Variants in NBEA observed in about 807,000 individuals in gnomAD.
NBEA encodes the protein lysosomal-trafficking regulator 2.
NBEA carries 44 observed loss-of-function variants against 343.4 expected under a neutral mutation model. That is an observed-to-expected ratio of 0.13 (90% CI 0.10 to 0.16). The LOEUF is 0.16. Ranked by LOEUF, NBEA falls within the 10% of genes least tolerant of loss-of-function variation. NBEA has a pLI of 1.00. For synonymous variants in NBEA, 1,175 were observed against 1,238.7 expected, an observed-to-expected ratio of 0.95 and a Z score of 1.08; for missense variants, 2,555 against 3,631.3, an observed-to-expected ratio of 0.70 and a Z score of 7.62.
At chr13:35,433,070 A>G (rs919359179) in intron 39 of NBEA, among the ~76,000 whole-genome samples, 5 of 152,084 alleles carry the variant, frequency 3.3e-5, no homozygotes, top group Non-Finnish European at 7.4e-5. Flanking sequence ...TACTTACAGT[A>G]TCATTAATTA....
intron 38 of NBEA, among the ~76,000 whole-genome samples, chr13:35,386,770 T>A (rs1275290878): frequency 2.6e-5 from 4 of 152,174 alleles, no homozygotes; most frequent in African/African-American, 9.6e-5. Flanking sequence ...TTTAAAAATA[T>A]ATTGAGTTTT....
chr13:35,324,673 A>G (rs1042018980), intron 36 of NBEA, among the ~76,000 whole-genome samples: 7 of 152,210 alleles, frequency 4.6e-5, no homozygotes, highest in African/African-American at 7.2e-5. Flanking sequence ...GTAACTCATA[A>G]TTGAGAGGTT....
At chr13:35,201,974 GA>G (rs36025218) in intron 31 of NBEA, among the ~76,000 whole-genome samples, 5 of 152,016 alleles carry the variant, frequency 3.3e-5, no homozygotes, top group Non-Finnish European at 7.4e-5. Context: ...TGAAGCTGAT[GA>G]AAATTCTGAA....
chr13:35,155,998 G>A (rs2069145746), intron 19 of NBEA, 85 bp from the exon 20 acceptor site: 16 of 1,468,442 alleles, frequency 1.1e-5, no homozygotes, highest in Non-Finnish European at 1.4e-5. Context: ...ATAGTGTTAA[G>A]TATTTATTTG....
intron 41 of NBEA, among the ~76,000 whole-genome samples, chr13:35,538,571 A>C (rs1263178008): frequency 6.6e-6 from 1 of 152,246 alleles, no homozygotes; most frequent in Non-Finnish European, 1.5e-5. Flanking sequence ...TACCTGGATC[A>C]GCTGTTAAAC....
At chr13:35,609,854 A>G (rs1414579106) in intron 48 of NBEA, among the ~76,000 whole-genome samples, 3 of 152,218 alleles carry the variant, frequency 2.0e-5, no homozygotes, top group Non-Finnish European at 4.4e-5. Context: ...GTTTGGAAAT[A>G]GGAACACAGC....
intron 56 of NBEA, 68 bp from the exon 57 acceptor site, chr13:35,667,306 G>A: frequency 1.5e-6 from 2 of 1,341,888 alleles, no homozygotes; most frequent in African/African-American, 1.4e-5. Context: ...AGGTTTTCAG[G>A]TTGGTGGGAG....
intron 38 of NBEA, among the ~76,000 whole-genome samples, chr13:35,376,600 C>G (rs1042000497): frequency 2.6e-5 from 4 of 151,824 alleles, no homozygotes; most frequent in African/African-American, 7.3e-5. Flanking sequence ...TAAATTATTC[C>G]AGTTGTCTAC....
intron 34 of NBEA, among the ~76,000 whole-genome samples, chr13:35,233,965 C>T (rs1274540900): frequency 2.0e-5 from 3 of 152,014 alleles, no homozygotes; most frequent in Admixed American, 6.6e-5. Flanking sequence ...AGTAATAAAA[C>T]TTACTTAATA....
At chr13:35,605,379 T>C (rs2082243249) in intron 47 of NBEA, among the ~76,000 whole-genome samples, 1 of 152,170 alleles carries the variant, frequency 6.6e-6, no homozygotes, top group African/African-American at 2.4e-5. Flanking sequence ...ATATATGCTT[T>C]TTCTAGAAAG....
intron 36 of NBEA, among the ~76,000 whole-genome samples, chr13:35,310,775 C>A (rs547796247): frequency 7.2e-5 from 11 of 151,990 alleles, no homozygotes; most frequent in Non-Finnish European, 1.5e-4. Context: ...TATTTGAAAC[C>A]AGCTTTCATT....
chr13:35,539,458 G>A (rs1354102338), intron 41 of NBEA, among the ~76,000 whole-genome samples: 1 of 151,904 alleles, frequency 6.6e-6, no homozygotes, highest in African/African-American at 2.4e-5. Flanking sequence ...CTAAATAGGG[G>A]ATTTTATACT....
chr13:35,627,236 A>G (rs1173867165), intron 48 of NBEA, among the ~76,000 whole-genome samples: 5 of 152,314 alleles, frequency 3.3e-5, no homozygotes, highest in African/African-American at 9.6e-5. Context: ...TTACAAAGCT[A>G]GATGTACAGC....
chr13:35,632,163 G>A (rs1266374706), intron 49 of NBEA, among the ~76,000 whole-genome samples: 3 of 151,760 alleles, frequency 2.0e-5, no homozygotes, highest in Non-Finnish European at 4.4e-5. Context: ...TTTTCTTATC[G>A]GTTTTTATAT....
Position 35,593,394 on chromosome 13 carries a change from T to A in NBEA, c.7243T>A (p.Ser2415Thr), listed in dbSNP as rs375988922. 1 of 1,612,304 alleles carries A rather than the reference T, an allele frequency of 6.2e-7. No individual in the cohort carries two copies. The highest frequency in any genetic ancestry group is 2.2e-5 in the East Asian group (1 of 44,848). The stretch of plus-strand genomic sequence containing the variant: ...ATTTGATCATCCAGATCGAACCTTC[T>A]CATCCGTTGCAAGGTCTTGGAGAAC... Reference protein sequence around the residue: ...GKFDHPDRTFSSVARSWRTSQ... With the variant: ...GKFDHPDRTFTSVARSWRTSQ... The change falls in exon 47 of 59, where the codon TCA (serine) becomes ACA (threonine). Residue 2415 changes from serine to threonine, a missense_variant. Transcript: ENST00000379939.
chr13:35,171,060 G>C (rs750479325), intron 25 of NBEA: 1 of 683,320 alleles, frequency 1.5e-6, no homozygotes, highest in East Asian at 2.9e-5. Context: ...TTTTAAAATG[G>C]GCTTTTCCTT....
chr13:35,255,026 A>G (rs1193984261), intron 34 of NBEA, among the ~76,000 whole-genome samples: 2 of 152,218 alleles, frequency 1.3e-5, no homozygotes, highest in Non-Finnish European at 2.9e-5. Context: ...GTTGCTTGTG[A>G]AAACTAAAAA....
intron 36 of NBEA, among the ~76,000 whole-genome samples, chr13:35,318,702 T>C (rs758002202): frequency 2.6e-5 from 4 of 152,232 alleles, no homozygotes; most frequent in Non-Finnish European, 5.9e-5. Flanking sequence ...GTACCTCTGG[T>C]AGAATTCGGC....
intron 38 of NBEA, among the ~76,000 whole-genome samples, chr13:35,387,710 C>T (rs1012535283): frequency 6.6e-6 from 1 of 151,888 alleles, no homozygotes; most frequent in African/African-American, 2.4e-5. Flanking sequence ...TTGTGAAGTT[C>T]CTGTTGTATA....
Sources: gnomAD v4.1 joint callset for allele counts (sites outside exome capture counted in the v4.1 genomes callset) on GRCh38, gnomAD v4.1.1 for gene constraint, MANE v1.5 for transcripts, NCBI Gene and HGNC (gene_info 2026-07-23, HGNC 2026-07-21) for gene names.